Variants in GORAB observed in about 807,000 individuals in gnomAD.
GORAB encodes the protein RAB6-interacting golgin.
In GORAB, 17 loss-of-function variants were observed where a neutral mutation model predicts 29.9. The observed-to-expected ratio is 0.57, with a 90% CI of 0.39 to 0.85. The LOEUF (loss-of-function observed/expected upper bound fraction) is 0.85, where lower values mean the gene tolerates loss of function less well. Ranked by LOEUF, GORAB falls within the 40% of genes least tolerant of loss-of-function variation. The probability of loss-of-function intolerance (pLI) is 0.00; values close to 1 mark genes in which losing one functional copy is unlikely to be tolerated. For missense variants in GORAB, 442 were observed against 437.8 expected (o/e 1.01, Z -0.09); for synonymous variants, 183 against 157.2 (o/e 1.16, Z -1.23).
intron 1 of GORAB, 140 bp downstream of exon 1, chr1:170,532,424 A>C: frequency 1.1e-6 from 1 of 901,066 alleles, no homozygotes; most frequent in East Asian, 2.5e-5. Context: ...GGACTGGATT[A>C]GGGGGTTTCA....
rs761888036 is a variant in GORAB, at chr1:170,552,426, A to G, written c.1074A>G (p.Gln358=). Reference sequence around the variant, plus strand: ...TTCTTAGTCCAAACTGCCCAAATCAAGAAGGTAATGACATTTCAGCTGCTT... The same window carrying G: ...TTCTTAGTCCAAACTGCCCAAATCAGGAAGGTAATGACATTTCAGCTGCTT... The part of the protein sequence containing the change: ...IPFLSPNCPN[Q]EGNDISAALA... The change falls in exon 5 of 5, where the codon CAA becomes CAG. Residue 358 remains glutamine, a synonymous_variant. Coordinates refer to ENST00000367763, the MANE Select transcript of GORAB (RefSeq NM_152281.3). 2.5e-6 allele frequency: 4 copies of G among 1,613,928 alleles called. No homozygotes were observed. In the African/African-American group the frequency reaches 4.0e-5, roughly 16 times the overall value.
rs140141148 is a variant in GORAB, at chr1:170,540,255, A to G, written c.419+688A>G. ...CTTTACTGTCTTTGTATTAGAAACA[A>G]CCTTCATAATTTAGCTACACTGTTC... On this transcript the variant is annotated intron_variant, in intron 2 of 4. Transcript: ENST00000367763. Among the ~76,000 whole-genome samples the G allele has an allele frequency of 2.1e-4, 32 of 152,060 alleles. No homozygotes were observed. In the East Asian group the frequency reaches 6.2e-3, roughly 29 times the overall value.
intron 2 of GORAB, 114 bp downstream of exon 2, chr1:170,539,681 A>T (rs938802921): frequency 1.8e-6 from 2 of 1,114,962 alleles, no homozygotes; most frequent in Non-Finnish European, 2.5e-6. Context: ...CTTTATATTC[A>T]TTCAATCATA....
chr1:170,534,352 G>T (rs1250292389), intron 1 of GORAB, among the ~76,000 whole-genome samples: 1 of 152,156 alleles, frequency 6.6e-6, no homozygotes, highest in Non-Finnish European at 1.5e-5. Flanking sequence ...AAAAAATACA[G>T]TATTTGGGGG....
At chr1:170,542,382 T>C (rs1649486336) in intron 2 of GORAB, 109 bp from the exon 3 acceptor site, 1 of 693,670 alleles carries the variant, frequency 1.4e-6, no homozygotes, top group African/African-American at 1.8e-5. Flanking sequence ...TACATAAATC[T>C]TCTTGATTAA....
At chr1:170,550,973 G>A (rs955248153) in intron 4 of GORAB, among the ~76,000 whole-genome samples, 1 of 152,190 alleles carries the variant, frequency 6.6e-6, no homozygotes. Flanking sequence ...GAGATTGCAA[G>A]GTGACTTCTC....
chr1:170,534,377 T>C (rs1275939125), intron 1 of GORAB, among the ~76,000 whole-genome samples: 1 of 152,076 alleles, frequency 6.6e-6, no homozygotes, highest in Admixed American at 6.6e-5. Flanking sequence ...AAAACCTGAG[T>C]ATATGGAGGG....
intron 4 of GORAB, among the ~76,000 whole-genome samples, chr1:170,547,391 A>G (rs1342717733): frequency 6.8e-6 from 1 of 146,456 alleles, no homozygotes; most frequent in African/African-American, 2.5e-5. Context: ...CCAATTTGAG[A>G]GAGTTGCTGC....
chr1:170,545,123 A>C, intron 4 of GORAB: 1 of 1,097,654 alleles, frequency 9.1e-7, no homozygotes. Context: ...CAGCTATTTA[A>C]TGTTTGGAAG....
chr1:170,542,652 A>G (rs1171719417), intron 3 of GORAB, 60 bp downstream of exon 3: 3 of 1,098,458 alleles, frequency 2.7e-6, no homozygotes, highest in Non-Finnish European at 2.8e-6. Context: ...GTCATGTGTT[A>G]TATTTGTTTT....
At chr1:170,541,180 G>A (rs921861078) in intron 2 of GORAB, among the ~76,000 whole-genome samples, 2 of 135,476 alleles carry the variant, frequency 1.5e-5, no homozygotes, top group East Asian at 2.1e-4. Flanking sequence ...TTCCAGCCTG[G>A]GCAACAGAGC....
At chr1:170,545,722 A>G (rs1649715997) in intron 4 of GORAB, 1 of 985,036 alleles carries the variant, frequency 1.0e-6, no homozygotes, top group South Asian at 4.7e-5. Flanking sequence ...CAGAATGTTT[A>G]TATAACAATT....
intron 1 of GORAB, among the ~76,000 whole-genome samples, chr1:170,538,811 T>G (rs1308971419): frequency 6.6e-6 from 1 of 152,224 alleles, no homozygotes; most frequent in Non-Finnish European, 1.5e-5. Context: ...CACCATTTTG[T>G]TTCAGTAGAG....
chr1:170,545,115 G>T, intron 4 of GORAB: 1 of 1,108,802 alleles, frequency 9.0e-7, no homozygotes, highest in Non-Finnish European at 1.1e-6. Flanking sequence ...GAAACCCTCA[G>T]CTATTTAATG....
At chr1:170,542,037 A>G (rs991938534) in intron 2 of GORAB, among the ~76,000 whole-genome samples, 1 of 152,240 alleles carries the variant, frequency 6.6e-6, no homozygotes, top group Non-Finnish European at 1.5e-5. Flanking sequence ...TATGAAATAA[A>G]CATTGGTTAT....
intron 2 of GORAB, among the ~76,000 whole-genome samples, chr1:170,541,165 C>T (rs4656781): frequency 0.65 from 91,495 of 141,172 alleles, 29,725 homozygotes; most frequent in East Asian, 0.99. Context: ...GATCATGCCA[C>T]TGCATTCCAG....
At chr1:170,544,666 A>T in intron 3 of GORAB, 39 bp from the exon 4 acceptor site, 1 of 1,591,780 alleles carries the variant, frequency 6.3e-7, no homozygotes, top group Non-Finnish European at 8.6e-7. Flanking sequence ...ATGGTTTTAA[A>T]ATGTTCTTAT....
At chr1:170,533,875 A>G (rs1017853751) in intron 1 of GORAB, among the ~76,000 whole-genome samples, 6 of 152,158 alleles carry the variant, frequency 3.9e-5, no homozygotes, top group Admixed American at 2.6e-4. Flanking sequence ...TGATTGGCAT[A>G]TAGAACTTCC....
intron 1 of GORAB, among the ~76,000 whole-genome samples, chr1:170,538,876 T>G (rs1298029564): frequency 2.0e-5 from 3 of 152,206 alleles, no homozygotes; most frequent in African/African-American, 7.2e-5. Context: ...CCTCCCTGAT[T>G]TGGTCAAAAT....
Sources: allele counts gnomAD v4.1 joint callset (sites outside exome capture counted in the v4.1 genomes callset), GRCh38; gene constraint gnomAD v4.1.1; transcripts MANE v1.5; gene names NCBI Gene and HGNC (gene_info 2026-07-23, HGNC 2026-07-21).